TRHDE: variants seen among roughly 807,000 people sequenced by gnomAD.
TRHDE encodes thyrotropin releasing hormone degrading enzyme.
A neutral mutation model predicts 125.7 loss-of-function variants in TRHDE; 72 were observed. The ratio of observed to expected loss-of-function variants is 0.57; its 90% confidence interval spans 0.47 to 0.70. The LOEUF is 0.70. Ranked by LOEUF, TRHDE falls within the 30% of genes least tolerant of loss-of-function variation. The probability of loss-of-function intolerance (pLI) is 0.00; values close to 1 mark genes in which losing one functional copy is unlikely to be tolerated. For missense variants in TRHDE, 1,110 were observed against 1,327.1 expected (o/e 0.84, Z 2.54); for synonymous variants, 509 against 509.1 (o/e 1.00, Z 0.00).
At chr12:72,650,661 A>T (rs1190363080) in intron 15 of TRHDE, among the ~76,000 whole-genome samples, 1 of 151,982 alleles carries the variant, frequency 6.6e-6, no homozygotes, top group Non-Finnish European at 1.5e-5. Context: ...ACATTGATTG[A>T]TGGGTTAGTG....
At chr12:72,485,517 G>A (rs989314378) in intron 5 of TRHDE, among the ~76,000 whole-genome samples, 1 of 152,134 alleles carries the variant, frequency 6.6e-6, no homozygotes, top group African/African-American at 2.4e-5. Flanking sequence ...CACCAGAGCA[G>A]TCACGCCTCT....
chr12:72,147,279 A>G (rs774919872), intron 2 of TRHDE, among the ~76,000 whole-genome samples: 26 of 152,096 alleles, frequency 1.7e-4, no homozygotes, highest in Non-Finnish European at 3.5e-4. Flanking sequence ...TGTCCCTATC[A>G]TTACCTGATT....
intron 15 of TRHDE, among the ~76,000 whole-genome samples, chr12:72,636,013 A>C (rs1424502273): frequency 2.9e-4 from 43 of 150,624 alleles, no homozygotes; most frequent in African/African-American, 1.0e-3. Flanking sequence ...TATGAACTTT[A>C]AAGTAGTTTT....
chr12:72,443,831 T>G (rs991998299), intron 3 of TRHDE, among the ~76,000 whole-genome samples: 2 of 151,766 alleles, frequency 1.3e-5, no homozygotes, highest in Non-Finnish European at 2.9e-5. Context: ...AAAGTAGTGC[T>G]AGTGTGACTT....
At chr12:72,461,158 T>C (rs867635412) in intron 3 of TRHDE, among the ~76,000 whole-genome samples, 10 of 152,320 alleles carry the variant, frequency 6.6e-5, no homozygotes, top group African/African-American at 2.4e-4. Context: ...TGATGAAAGT[T>C]CTGTTACAAC....
intron 2 of TRHDE, among the ~76,000 whole-genome samples, chr12:72,313,209 A>AT (rs1868631881): frequency 6.6e-6 from 1 of 152,030 alleles, no homozygotes; most frequent in Admixed American, 6.6e-5. Context: ...GTATTGATGG[A>AT]TTTTTTAAAA....
intron 2 of TRHDE, among the ~76,000 whole-genome samples, chr12:72,199,015 AGAACACACTCACTATCATG>A (rs1877500920): frequency 3.3e-5 from 5 of 152,158 alleles, no homozygotes; most frequent in Non-Finnish European, 7.4e-5. Context: ...AGATCTCGTG[AGAACACACTCACTATCATG>A]AGAATAGCAT....
chr12:72,580,565 C>T (rs1479023302), intron 12 of TRHDE, among the ~76,000 whole-genome samples: 2 of 152,176 alleles, frequency 1.3e-5, no homozygotes, highest in African/African-American at 4.8e-5. Flanking sequence ...CCTCAGCCTC[C>T]TGAGTAGCTG....
intron 2 of TRHDE, among the ~76,000 whole-genome samples, chr12:72,158,147 G>A (rs570491507): frequency 6.6e-6 from 1 of 152,234 alleles, no homozygotes; most frequent in South Asian, 2.1e-4. Context: ...GACGGAGAGG[G>A]TTTGGGAAAG....
intron 12 of TRHDE, among the ~76,000 whole-genome samples, chr12:72,610,429 A>G (rs927763570): frequency 2.6e-5 from 4 of 152,246 alleles, no homozygotes. Flanking sequence ...ATCTTGAAAG[A>G]CCACGTGGCA....
chr12:72,527,674 A>T (rs941760169), intron 6 of TRHDE, among the ~76,000 whole-genome samples: 2 of 151,976 alleles, frequency 1.3e-5, no homozygotes, highest in African/African-American at 4.8e-5. Flanking sequence ...TTTTCGTAAG[A>T]ATCACATTCC....
At chr12:72,181,366 A>G (rs1877093622) in intron 2 of TRHDE, among the ~76,000 whole-genome samples, 1 of 152,116 alleles carries the variant, frequency 6.6e-6, no homozygotes, top group Admixed American at 6.5e-5. Context: ...AATGATTTTG[A>G]ATTTCTCTAC....
At chr12:72,434,274 A>G (rs1036374621) in intron 3 of TRHDE, among the ~76,000 whole-genome samples, 2 of 151,552 alleles carry the variant, frequency 1.3e-5, no homozygotes, top group Non-Finnish European at 2.9e-5. Context: ...GGTCCCAGCT[A>G]CTTGGGAGGC....
At chr12:72,205,788 T>A (rs1373645380) in intron 2 of TRHDE, among the ~76,000 whole-genome samples, 1 of 152,226 alleles carries the variant, frequency 6.6e-6, no homozygotes, top group African/African-American at 2.4e-5. Flanking sequence ...TGCTTTCACA[T>A]TCTGAATAAT....
At chr12:72,540,469 TGACAA>T (rs1329237310) in intron 6 of TRHDE, among the ~76,000 whole-genome samples, 1 of 151,710 alleles carries the variant, frequency 6.6e-6, no homozygotes, top group Non-Finnish European at 1.5e-5. Context: ...TTTTATAAAC[TGACAA>T]GAGACCAAGT....
intron 2 of TRHDE, among the ~76,000 whole-genome samples, chr12:72,179,303 T>C (rs999419888): frequency 2.0e-5 from 3 of 152,144 alleles, no homozygotes; most frequent in African/African-American, 7.2e-5. Context: ...ACCTGCTTTC[T>C]ATAAGCTATT....
At chr12:72,605,177 A>C (rs1482407528) in intron 12 of TRHDE, among the ~76,000 whole-genome samples, 1 of 152,132 alleles carries the variant, frequency 6.6e-6, no homozygotes, top group Non-Finnish European at 1.5e-5. Flanking sequence ...ACTATAAGTT[A>C]ATGTCCCAAA....
chr12:72,448,469 GT>G (rs1339739941), intron 3 of TRHDE, among the ~76,000 whole-genome samples: 1 of 151,972 alleles, frequency 6.6e-6, no homozygotes, highest in Non-Finnish European at 1.5e-5. Flanking sequence ...GTTTTATTTA[GT>G]ATCAGTGTTA....
intron 15 of TRHDE, among the ~76,000 whole-genome samples, chr12:72,650,565 T>A (rs575857302): frequency 1.2e-4 from 19 of 152,250 alleles, no homozygotes; most frequent in Admixed American, 2.0e-4. Flanking sequence ...TCTATCCCTA[T>A]ATTCTCTCTA....
Sources: allele counts gnomAD v4.1 joint callset (sites outside exome capture counted in the v4.1 genomes callset), GRCh38; gene constraint gnomAD v4.1.1; transcripts MANE v1.5; gene names NCBI Gene and HGNC (gene_info 2026-07-23, HGNC 2026-07-21).